The following CNTN4 variants were observed in gnomAD, a reference collection of about 807,000 sequenced individuals.
The protein encoded by CNTN4 is contactin-4.
A neutral mutation model predicts 122.5 loss-of-function variants in CNTN4; 77 were observed. That is an observed-to-expected ratio of 0.63 (90% CI 0.52 to 0.76). CNTN4 has a LOEUF of 0.76. Ranked by LOEUF, CNTN4 falls within the 30% of genes least tolerant of loss-of-function variation. The pLI is 0.00. For missense variants in CNTN4, 1,256 were observed against 1,259.1 expected, an observed-to-expected ratio of 1.00 and a Z score of 0.04; for synonymous variants, 512 against 447.0, an observed-to-expected ratio of 1.15 and a Z score of -1.83.
intron 4 of CNTN4, among the ~76,000 whole-genome samples, chr3:2,677,953 GT>G (rs1469734789): frequency 6.6e-6 from 1 of 152,116 alleles, no homozygotes; most frequent in Non-Finnish European, 1.5e-5. Flanking sequence ...AATATTAGCT[GT>G]CACCAAATCC....
chr3:2,401,419 A>G (rs776620285), intron 3 of CNTN4, among the ~76,000 whole-genome samples: 3 of 152,160 alleles, frequency 2.0e-5, no homozygotes, highest in South Asian at 2.1e-4. Flanking sequence ...AGGTATTTGT[A>G]GATAATGTAG....
intron 3 of CNTN4, among the ~76,000 whole-genome samples, chr3:2,554,473 C>T (rs1461103335): frequency 1.3e-5 from 2 of 152,086 alleles, no homozygotes; most frequent in African/African-American, 4.8e-5. Flanking sequence ...TTGAGTAACA[C>T]ATCAGTAGTG....
intron 7 of CNTN4, among the ~76,000 whole-genome samples, chr3:2,858,714 A>G (rs1042831576): frequency 2.0e-5 from 3 of 152,016 alleles, no homozygotes; most frequent in South Asian, 2.1e-4. Context: ...CTCAGAAAAA[A>G]AAAAAGAAAA....
rs1701910020 is a variant in CNTN4, at chr3:3,057,845, A to G, written c.*1625A>G. 1 of 152,434 alleles carries G rather than the reference A, an allele frequency of 6.6e-6. No individual in the cohort carries two copies. The highest frequency in any genetic ancestry group is 2.1e-4 in the South Asian group (1 of 4,814). 9.4% of individuals were successfully genotyped at this position (152,434 alleles called of 1,614,324 possible). On this transcript the variant is annotated 3_prime_UTR_variant, in exon 25 of 25. Transcript: ENST00000418658. ...AATCAGCAAAATAATAAAATGAACG[A>G]AAAAAAATGACACCCAGGGAGTTCC...
intron 14 of CNTN4, among the ~76,000 whole-genome samples, chr3:3,017,188 T>G (rs1271035698): frequency 1.3e-5 from 2 of 152,208 alleles, no homozygotes; most frequent in Admixed American, 6.5e-5. Flanking sequence ...AAAGTCACAT[T>G]TTAATTATGT....
chr3:2,153,521 G>A (rs928537983), intron 2 of CNTN4, among the ~76,000 whole-genome samples: 11 of 152,158 alleles, frequency 7.2e-5, no homozygotes, highest in African/African-American at 2.4e-4. Flanking sequence ...TTTTAAACAC[G>A]AATATAGGCG....
intron 2 of CNTN4, among the ~76,000 whole-genome samples, chr3:2,250,624 CTA>C (rs2040339952): frequency 6.6e-6 from 1 of 151,860 alleles, no homozygotes; most frequent in Admixed American, 6.6e-5. Flanking sequence ...GGAAACATCA[CTA>C]TGTGGGAAAT....
chr3:2,210,250 G>C (rs1185948017), intron 2 of CNTN4, among the ~76,000 whole-genome samples: 3 of 152,068 alleles, frequency 2.0e-5, no homozygotes, highest in Non-Finnish European at 2.9e-5. Flanking sequence ...ATGACCACAA[G>C]CCATGATTAC....
At chr3:2,740,608 C>T (rs2089404615) in intron 5 of CNTN4, among the ~76,000 whole-genome samples, 1 of 152,098 alleles carries the variant, frequency 6.6e-6, no homozygotes, top group Admixed American at 6.5e-5. Flanking sequence ...ATTTTTATAA[C>T]TTACATACAT....
rs185667799 is a variant in CNTN4, at chr3:2,558,682, C to T, written c.-88-12734C>T. On this transcript the variant is annotated intron_variant, in intron 3 of 24. Coordinates refer to ENST00000418658, the MANE Select transcript of CNTN4 (RefSeq NM_175607.3). ...CCCACATTAGCTTTAGACAAAGACA[C>T]ATAAATTCTTAATTTCCTAAATATG... Among the ~76,000 whole-genome samples, 552 of 152,268 alleles carry T rather than the reference C, an allele frequency of 3.6e-3. 5 individuals are homozygous for T. Among genetic ancestry groups the T allele is most frequent in the Non-Finnish European group, 6.0e-3 (407 of 68,018 alleles).
chr3:2,533,810 T>A (rs1263601440), intron 3 of CNTN4, among the ~76,000 whole-genome samples: 2 of 152,184 alleles, frequency 1.3e-5, no homozygotes, highest in Admixed American at 1.3e-4. Flanking sequence ...TTCTAACTGG[T>A]GTGAGATGGT....
intron 4 of CNTN4, among the ~76,000 whole-genome samples, chr3:2,708,349 T>A (rs2086867172): frequency 6.6e-6 from 1 of 152,108 alleles, no homozygotes; most frequent in Non-Finnish European, 1.5e-5. Flanking sequence ...TACATCCAAA[T>A]ACGACTTAAA....
intron 2 of CNTN4, among the ~76,000 whole-genome samples, chr3:2,209,080 C>G (rs2038491491): frequency 6.6e-6 from 1 of 152,094 alleles, no homozygotes; most frequent in Admixed American, 6.6e-5. Context: ...AGGCTAAATG[C>G]TATAAGCAAT....
chr3:3,037,217 GTGGTGGGTTTGAACCCTTGGGTTGAA>G lies in CNTN4; in HGVS notation c.1983_2008del (p.Val662Ter). 6.2e-7 allele frequency: 1 copy of G among 1,614,174 alleles called. No homozygotes were observed. Among genetic ancestry groups the G allele is most frequent in the Non-Finnish European group, 8.5e-7 (1 of 1,180,034 alleles). ...TGATGGGAAGACATTCACAGCGACC[GTGGTGGGTTTGAACCCTTGGGTTGAA>G]TATGAATTCCGCACAGTTGCAGCCA... On this transcript the variant is annotated frameshift_variant, in exon 18 of 25. Coordinates refer to ENST00000418658, the MANE Select transcript of CNTN4 (RefSeq NM_175607.3). LOFTEE classifies it high-confidence loss of function.
intron 2 of CNTN4, among the ~76,000 whole-genome samples, chr3:2,324,613 C>T (rs1013864623): frequency 2.0e-5 from 3 of 152,112 alleles, no homozygotes; most frequent in Admixed American, 2.0e-4. Flanking sequence ...TGTTTCCCTC[C>T]ATCTATAGCC....
intron 3 of CNTN4, among the ~76,000 whole-genome samples, chr3:2,463,074 C>T (rs1477586969): frequency 6.6e-6 from 1 of 152,062 alleles, no homozygotes; most frequent in Non-Finnish European, 1.5e-5. Flanking sequence ...TTGTTGGACG[C>T]GGTGTCTTTT....
intron 6 of CNTN4, among the ~76,000 whole-genome samples, chr3:2,748,677 T>C (rs1335626691): frequency 6.6e-6 from 1 of 152,204 alleles, no homozygotes; most frequent in South Asian, 2.1e-4. Context: ...GTAGTGAGAA[T>C]CTTTGCTAAA....
In CNTN4 at chr3:3,035,758, A is replaced by G. The variant is rs200720563; in HGVS notation, c.1942+968A>G. 3.9e-5 allele frequency among the ~76,000 whole-genome samples: 6 copies of G among 152,250 alleles called. No homozygotes were observed. The East Asian group carries it at 9.7e-4, about 24-fold the overall frequency. ...ATTTTTTGTAGAGACAGGTCTTGCT[A>G]TGTTGCTTAGGCTGGTCTCAAACTC... On this transcript the variant is annotated intron_variant, in intron 17 of 24. Transcript: ENST00000418658.
At chr3:2,398,997 A>G (rs1376678746) in intron 3 of CNTN4, among the ~76,000 whole-genome samples, 1 of 152,174 alleles carries the variant, frequency 6.6e-6, no homozygotes, top group Non-Finnish European at 1.5e-5. Context: ...TAAAACCCAT[A>G]TGGTAACTTA....
Sources: gnomAD v4.1 joint callset for allele counts (sites outside exome capture counted in the v4.1 genomes callset) on GRCh38, gnomAD v4.1.1 for gene constraint, MANE v1.5 for transcripts, NCBI Gene and HGNC (gene_info 2026-07-23, HGNC 2026-07-21) for gene names.